The following THADA variants were observed in gnomAD, a reference collection of about 807,000 sequenced individuals.
THADA encodes the protein THADA armadillo repeat containing.
A neutral mutation model predicts 219.8 loss-of-function variants in THADA; 213 were observed. The ratio of observed to expected loss-of-function variants is 0.97; its 90% CI spans 0.87 to 1.09. The LOEUF is 1.09. Among genes scored for constraint, THADA ranks in the 50% least tolerant of loss-of-function variants. THADA has a pLI of 0.00. For synonymous variants in THADA, 1,018 were observed against 828.9 expected, an observed-to-expected ratio of 1.23 and a Z score of -3.92; for missense variants, 2,956 against 2,311.3, an observed-to-expected ratio of 1.28 and a Z score of -5.72.
intron 13 of THADA, 109 bp from the exon 14 acceptor site, chr2:43,570,619 T>G: frequency 1.8e-6 from 2 of 1,121,844 alleles, no homozygotes; most frequent in Admixed American, 3.2e-5. Context: ...GAGTACAGAT[T>G]TTTAAGCTCT....
At chr2:43,557,863 T>G (rs985170413) in intron 16 of THADA, among the ~76,000 whole-genome samples, 2 of 152,242 alleles carry the variant, frequency 1.3e-5, no homozygotes, top group Admixed American at 6.5e-5. Context: ...TTCACAACAG[T>G]GGATATCAAA....
At chr2:43,482,370 C>T (rs527542378) in intron 26 of THADA, among the ~76,000 whole-genome samples, 2 of 152,234 alleles carry the variant, frequency 1.3e-5, no homozygotes, top group Admixed American at 1.3e-4. Context: ...AACTTCTTGT[C>T]TGTACTATGC....
intron 13 of THADA, 93 bp downstream of exon 13, chr2:43,571,614 T>C (rs1699309878): frequency 7.6e-7 from 1 of 1,308,202 alleles, no homozygotes; most frequent in Non-Finnish European, 1.1e-6. Flanking sequence ...TCCATGACCA[T>C]TCCCACACGC....
intron 21 of THADA, among the ~76,000 whole-genome samples, chr2:43,540,335 T>A (rs1695136342): frequency 6.6e-6 from 1 of 152,170 alleles, no homozygotes; most frequent in Admixed American, 6.6e-5. Context: ...GCATGCAACA[T>A]AAGCCACAGA....
intron 28 of THADA, among the ~76,000 whole-genome samples, chr2:43,420,950 A>G (rs181122355): frequency 1.2e-4 from 18 of 152,360 alleles, no homozygotes; most frequent in African/African-American, 4.3e-4. Flanking sequence ...CAGAGTAAGT[A>G]GCTGCCCAAA....
chr2:43,384,999 G>T (rs1366038484), intron 29 of THADA, among the ~76,000 whole-genome samples: 1 of 152,012 alleles, frequency 6.6e-6, no homozygotes, highest in African/African-American at 2.4e-5. Flanking sequence ...AAATTAGCCA[G>T]GTGTGGTGGT....
rs191114638 is a variant in THADA, at chr2:43,551,865, G to C, written c.2871C>G (p.Tyr957Ter). ...CTGGAGACACCACAGTGGAAAGCCT[G>C]TAGGACATCAAAAGGAGCTTCTCTA... Reference protein sequence around the residue: ...PVVEKLLLMSYRLSTVVSPVI... With the variant: ...PVVEKLLLMS The change falls in exon 19 of 38, where the codon TAC becomes TAG. Residue 957 changes from tyrosine (Y) to a stop codon, truncating the protein, a stop_gained. Coordinates refer to ENST00000405975, the MANE Select transcript of THADA (RefSeq NM_022065.5). LOFTEE classifies it high-confidence loss of function. 8 of 1,613,890 alleles carry C rather than the reference G, an allele frequency of 5.0e-6. No homozygotes were observed. The East Asian group carries it at 8.9e-5, about 18-fold the overall frequency.
Position 43,263,401 on chromosome 2 carries a change from G to T in THADA, c.5296+16364C>A, listed in dbSNP as rs553318466. ...ATATATGCTGGGTGGGTGGGTGATT[G>T]GGGGGGCATTTTAAATACCTGGATA... is the stretch of plus-strand genomic sequence containing the variant. On this transcript the variant is annotated intron_variant, in intron 36 of 37. Transcript: ENST00000405975. Among the ~76,000 whole-genome samples the T allele has an allele frequency of 5.9e-5, 9 of 152,034 alleles. No individual in the cohort carries two copies. In the South Asian group the frequency reaches 6.2e-4, roughly 11 times the overall value.
intron 36 of THADA, among the ~76,000 whole-genome samples, chr2:43,252,737 G>T (rs964213603): frequency 6.6e-6 from 1 of 152,092 alleles, no homozygotes; most frequent in African/African-American, 2.4e-5. Context: ...AATCTGATCT[G>T]CCACCAGGCT....
At chr2:43,561,016 CAAAAAAAAAA>C (rs3042329) in intron 15 of THADA, among the ~76,000 whole-genome samples, 1 of 92,330 alleles carries the variant, frequency 1.1e-5, no homozygotes, top group Non-Finnish European at 2.3e-5. Context: ...GACTTGGTCT[CAAAAAAAAAA>C]AAAAAAAAAA....
intron 28 of THADA, 149 bp downstream of exon 28, chr2:43,427,951 G>A (rs1453192764): frequency 2.2e-5 from 8 of 369,486 alleles, no homozygotes; most frequent in Non-Finnish European, 2.2e-5. Context: ...GCGAGACTCC[G>A]TCTCAAAAAA....
At position 43,552,082 on chromosome 2, in the gene THADA, T is replaced by C. The variant is rs72867040; in HGVS notation, c.2810+122A>G. On this transcript the variant is annotated intron_variant, in intron 18 of 37. Transcript: ENST00000405975. ...ACACAGATACGTATGTTTTTAAATCTGATTTTCAATTTTATTCAAAGCAAT... is the reference window on the plus strand; with the variant it reads ...ACACAGATACGTATGTTTTTAAATCCGATTTTCAATTTTATTCAAAGCAAT... 85 of 1,518,280 alleles carry C rather than the reference T, an allele frequency of 5.6e-5. No homozygotes were observed. In the African/African-American group the frequency reaches 1.0e-3, roughly 19 times the overall value. 94.1% of individuals were successfully genotyped at this position (1,518,280 alleles called of 1,614,324 possible).
At chr2:43,324,850 C>T (rs958417494) in intron 30 of THADA, among the ~76,000 whole-genome samples, 13 of 151,958 alleles carry the variant, frequency 8.6e-5, no homozygotes, top group African/African-American at 3.1e-4. Context: ...AAAATCCTGG[C>T]ATGGAGCACA....
At chr2:43,483,489 A>G (rs1281564841) in intron 26 of THADA, among the ~76,000 whole-genome samples, 1 of 152,182 alleles carries the variant, frequency 6.6e-6, no homozygotes, top group Non-Finnish European at 1.5e-5. Flanking sequence ...AATGGTCCAT[A>G]CCGATCTTCA....
intron 36 of THADA, among the ~76,000 whole-genome samples, chr2:43,237,397 AT>A (rs70963388): frequency 3.0e-5 from 4 of 132,256 alleles, no homozygotes; most frequent in Admixed American, 7.9e-5. Context: ...AACTCATTTG[AT>A]TTTTTTTTTT....
chr2:43,439,701 A>C (rs1680597147), intron 26 of THADA, among the ~76,000 whole-genome samples: 1 of 152,238 alleles, frequency 6.6e-6, no homozygotes, highest in African/African-American at 2.4e-5. Flanking sequence ...CTATGAGTGC[A>C]TAGGAAAAAA....
chr2:43,446,974 T>G (rs1328109846), intron 26 of THADA, among the ~76,000 whole-genome samples: 1 of 152,196 alleles, frequency 6.6e-6, no homozygotes, highest in Non-Finnish European at 1.5e-5. Context: ...GGCTTATAGC[T>G]GCGTATTAGT....
At chr2:43,351,226 T>C (rs1390682228) in intron 29 of THADA, among the ~76,000 whole-genome samples, 1 of 152,234 alleles carries the variant, frequency 6.6e-6, no homozygotes, top group East Asian at 1.9e-4. Context: ...AATCCATCAA[T>C]GACTTTCAAC....
chr2:43,520,431 T>C (rs1692258293), intron 22 of THADA, among the ~76,000 whole-genome samples: 2 of 152,146 alleles, frequency 1.3e-5, no homozygotes, highest in Non-Finnish European at 2.9e-5. Context: ...CTCATGCTTG[T>C]AATCCCAACA....
Sources: allele counts gnomAD v4.1 joint callset (sites outside exome capture counted in the v4.1 genomes callset), GRCh38; gene constraint gnomAD v4.1.1; transcripts MANE v1.5; gene names NCBI Gene and HGNC (gene_info 2026-07-23, HGNC 2026-07-21).